Variants in SDHB observed in about 807,000 individuals in gnomAD.
SDHB encodes the protein succinate dehydrogenase [ubiquinone] iron-sulfur subunit, mitochondrial.
Under a neutral mutation model 39.7 loss-of-function variants are expected in SDHB, and 21 were observed. The observed-to-expected ratio is 0.53, with a 90% confidence interval of 0.37 to 0.76. The LOEUF (loss-of-function observed/expected upper bound fraction) is 0.76. SDHB is among the 30% of genes least tolerant of loss of function. The pLI, the probability that SDHB is intolerant of heterozygous loss-of-function variation, is 0.00. For synonymous variants in SDHB, 118 were observed against 117.0 expected, an observed-to-expected ratio of 1.01 and a Z score of -0.06; for missense variants, 343 against 350.9, an observed-to-expected ratio of 0.98 and a Z score of 0.18.
rs768101924 is a variant in SDHB, at chr1:17,044,888, C to A, written c.73G>T (p.Ala25Ser). The A allele has an allele frequency of 1.9e-6, 3 of 1,613,050 alleles. No individual in the cohort carries two copies. Among genetic ancestry groups the A allele is most frequent in the South Asian group, 1.1e-5 (1 of 91,018 alleles). Residue 25 changes from alanine to serine, a missense_variant and splice_region_variant, in exon 2 of 8, where the codon GCC becomes TCC. By Grantham distance (99) the Ala-to-Ser change is moderately conservative. Transcript: ENST00000375499. ...ATTLGGACLQ[A>S]SRGAQTAAAT... ...GCAGCTGTCTGGGCTCCTCGGGAGGCCTGAAATTTTTTAAAGTTCACAAAA... is the reference window on the plus strand; with the variant it reads ...GCAGCTGTCTGGGCTCCTCGGGAGGACTGAAATTTTTTAAAGTTCACAAAA...
intron 5 of SDHB, 68 bp downstream of exon 5, chr1:17,027,681 G>A: frequency 1.0e-6 from 1 of 993,084 alleles, no homozygotes; most frequent in South Asian, 1.3e-5. Flanking sequence ...TCCCTGCCAA[G>A]CCACACTCCT....
chr1:17,053,157 C>T (rs997936978), intron 1 of SDHB, among the ~76,000 whole-genome samples: 1 of 152,114 alleles, frequency 6.6e-6, no homozygotes, highest in Non-Finnish European at 1.5e-5. Flanking sequence ...ACTTAGAAGG[C>T]AGGTCAGAAA....
Position 17,023,965 on chromosome 1 carries a change from C to G in SDHB, c.642+8G>C. ...AATTTCTCTTAAAGCAATTAAGGAG[C>G]ACCTCACCTGCATAAGAACTGCAGG... On this transcript the variant is annotated splice_region_variant and intron_variant, in intron 6 of 7. Coordinates refer to ENST00000375499, the MANE Select transcript of SDHB (RefSeq NM_003000.3). 1 of 1,599,840 alleles carries G rather than the reference C, an allele frequency of 6.3e-7. No individual in the cohort carries two copies. The highest frequency in any genetic ancestry group is 8.6e-7 in the Non-Finnish European group (1 of 1,167,460).
intron 1 of SDHB, among the ~76,000 whole-genome samples, chr1:17,045,982 T>C (rs1399479157): frequency 6.6e-6 from 1 of 152,224 alleles, no homozygotes; most frequent in Admixed American, 6.5e-5. Context: ...CTTGTGTGTT[T>C]TGTCCAATTT....
intron 1 of SDHB, among the ~76,000 whole-genome samples, chr1:17,050,144 T>C (rs1557748330): frequency 6.6e-6 from 1 of 152,210 alleles, no homozygotes; most frequent in Admixed American, 6.5e-5. Context: ...GATCACGTAT[T>C]ATCTTTCCAA....
chr1:17,033,792 G>C (rs1409983075), intron 2 of SDHB, among the ~76,000 whole-genome samples: 1 of 152,250 alleles, frequency 6.6e-6, no homozygotes, highest in African/African-American at 2.4e-5. Context: ...GCAGAGAGCA[G>C]CACCTGCATC....
Position 17,022,603 on chromosome 1 carries a change from C to T in SDHB, c.765+5G>A, listed in dbSNP as rs199945904. On this transcript the variant is annotated splice_donor_5th_base_variant and intron_variant, in intron 7 of 7. Transcript: ENST00000375499. ...GCAGAGCTGAGGGTCACCAGCCCCA[C>T]GTACCTTAGGACAGGTCCTTGTGCA... The T allele has an allele frequency of 1.5e-5, 25 of 1,613,730 alleles. No individual in the cohort carries two copies. The highest frequency in any genetic ancestry group is 1.6e-4 in the Middle Eastern group (1 of 6,062).
chr1:17,047,049 T>C (rs1358670873), intron 1 of SDHB, among the ~76,000 whole-genome samples: 1 of 152,132 alleles, frequency 6.6e-6, no homozygotes, highest in Non-Finnish European at 1.5e-5. Context: ...TATAGATTCA[T>C]ATGCATTTAT....
chr1:17,045,168 C>T (rs1218880955), intron 1 of SDHB: 1 of 429,472 alleles, frequency 2.3e-6, no homozygotes, highest in East Asian at 4.9e-5. Context: ...TTAAATTAAA[C>T]ATTCACGATG....
rs774116665 is a variant in SDHB, at chr1:17,051,843, T to A, written c.72+2105A>T. 4.0e-5 allele frequency among the ~76,000 whole-genome samples: 5 copies of A among 124,100 alleles called. No individual in the cohort carries two copies. In the East Asian group the frequency reaches 6.1e-4, roughly 15 times the overall value. The allele number at this position is 124,100 out of a possible 152,430, so 81.4% of individuals were successfully genotyped here. ...AGGAACAAGATGCACATTTTTTAAA[T>A]TTTTTTTTTTTTTTTGAGACTGAGT... On this transcript the variant is annotated intron_variant, in intron 1 of 7. Transcript: ENST00000375499.
chr1:17,037,750 C>T (rs2078057741), intron 2 of SDHB, among the ~76,000 whole-genome samples: 1 of 152,052 alleles, frequency 6.6e-6, no homozygotes, highest in Admixed American at 6.6e-5. Context: ...AGCCATCGCA[C>T]CCAGCCTGGC....
intron 2 of SDHB, among the ~76,000 whole-genome samples, chr1:17,040,051 A>G (rs114069404): frequency 0.012 from 1,787 of 152,062 alleles, 37 homozygotes; most frequent in African/African-American, 0.042. Flanking sequence ...AAATGTTTTT[A>G]TTTCATAATC....
chr1:17,019,358 G>A (rs1336488919), intron 7 of SDHB, among the ~76,000 whole-genome samples: 1 of 152,184 alleles, frequency 6.6e-6, no homozygotes, highest in African/African-American at 2.4e-5. Context: ...GGCAGCAGCA[G>A]AAATCAGCAT....
chr1:17,030,633 A>G (rs1188669123), intron 3 of SDHB, among the ~76,000 whole-genome samples: 1 of 152,062 alleles, frequency 6.6e-6, no homozygotes, highest in African/African-American at 2.4e-5. Context: ...TGTTTTTTGA[A>G]GATCATTAGG....
chr1:17,051,223 C>T (rs1034266993), intron 1 of SDHB, among the ~76,000 whole-genome samples: 2 of 152,152 alleles, frequency 1.3e-5, no homozygotes, highest in Non-Finnish European at 2.9e-5. Flanking sequence ...GGAAAGAGGG[C>T]CCCTTGAAAG....
rs188977051 is a variant in SDHB, at chr1:17,041,785, C to T, written c.200+2976G>A. Among the ~76,000 whole-genome samples the T allele has an allele frequency of 4.9e-3, 740 of 152,286 alleles. 6 individuals carry two copies. The highest frequency in any genetic ancestry group is 0.016 in the African/African-American group (677 of 41,552). On this transcript the variant is annotated intron_variant, in intron 2 of 7. Coordinates refer to ENST00000375499, the MANE Select transcript of SDHB (RefSeq NM_003000.3). ...TACACAGGCAATTAATATGGCTGCA[C>T]GCAAGATGTGGGCAGAGTTCATGAA...
chr1:17,053,858 A>G (rs529615455), intron 1 of SDHB, 90 bp downstream of exon 1: 185 of 962,640 alleles, frequency 1.9e-4, no homozygotes, highest in Admixed American at 2.7e-4. Context: ...GCCTTGCCCT[A>G]TGCTTCCTCA....
chr1:17,035,867 AATAAATAAATAG>A (rs1016540936), intron 2 of SDHB, among the ~76,000 whole-genome samples: 1 of 152,066 alleles, frequency 6.6e-6, no homozygotes, highest in African/African-American at 2.4e-5. Context: ...CAAAAAAATA[AATAAATAAATAG>A]ATAAATAAAT....
chr1:17,037,208 A>G (rs2078055002), intron 2 of SDHB, among the ~76,000 whole-genome samples: 1 of 152,036 alleles, frequency 6.6e-6, no homozygotes, highest in Non-Finnish European at 1.5e-5. Context: ...ACTAAACTAC[A>G]TTTGATTTCT....
Sources: gnomAD v4.1 joint callset for allele counts (sites outside exome capture counted in the v4.1 genomes callset) on GRCh38, gnomAD v4.1.1 for gene constraint, MANE v1.5 for transcripts, NCBI Gene and HGNC (gene_info 2026-07-23, HGNC 2026-07-21) for gene names.